The following LAMP3 variants were observed in gnomAD, a reference collection of about 807,000 sequenced individuals.
LAMP3 encodes the protein lysosome associated membrane protein 3, also known as lysosome-associated membrane glycoprotein 3.
In LAMP3, 26 loss-of-function variants were observed where a neutral mutation model predicts 34.8. That is an observed-to-expected ratio of 0.75 (90% CI 0.55 to 1.04). The LOEUF (loss-of-function observed/expected upper bound fraction) is 1.04, where lower values mean the gene tolerates loss of function less well. Among genes scored for constraint, LAMP3 ranks in the 50% least tolerant of loss-of-function variants. The pLI is 0.00. For synonymous variants in LAMP3, 180 were observed against 201.9 expected, an observed-to-expected ratio of 0.89 and a Z score of 0.92; for missense variants, 495 against 524.0, an observed-to-expected ratio of 0.94 and a Z score of 0.54.
rs760812377 is a variant in LAMP3, at chr3:183,124,080, A to G, written c.*1T>C. 3 of 1,614,074 alleles carry G rather than the reference A, an allele frequency of 1.9e-6. No individual in the cohort carries two copies. Among genetic ancestry groups the G allele is most frequent in the African/African-American group, 1.3e-5 (1 of 75,034 alleles). Reference sequence around the variant, plus strand: ...TTATTTTCATTCCCCCCGGGCAACAATTAGATTCTCTGGTATCCAGATGAT... The same window carrying G: ...TTATTTTCATTCCCCCCGGGCAACAGTTAGATTCTCTGGTATCCAGATGAT... On this transcript the variant is annotated 3_prime_UTR_variant, in exon 6 of 6. Transcript: ENST00000265598.
intron 3 of LAMP3, among the ~76,000 whole-genome samples, chr3:183,143,324 G>T (rs142326428): frequency 6.6e-6 from 1 of 152,280 alleles, no homozygotes; most frequent in Non-Finnish European, 1.5e-5. Context: ...TGGTGCCCAG[G>T]CTAGTCTTGA....
chr3:183,152,041 T>A (rs1720652516), intron 3 of LAMP3, among the ~76,000 whole-genome samples: 1 of 152,210 alleles, frequency 6.6e-6, no homozygotes, highest in South Asian at 2.1e-4. Flanking sequence ...AATAATCCTG[T>A]TCCTCTGGGG....
At chr3:183,125,133 G>A (rs772736146) in intron 5 of LAMP3, among the ~76,000 whole-genome samples, 5 of 152,192 alleles carry the variant, frequency 3.3e-5, no homozygotes, top group Admixed American at 2.6e-4. Context: ...GAGGAAAGAC[G>A]GAGGGGTCTG....
chr3:183,162,085 G>T, intron 1 of LAMP3: 2 of 431,754 alleles, frequency 4.6e-6, no homozygotes, highest in Non-Finnish European at 6.2e-6. Flanking sequence ...AGGACTCAAT[G>T]TCTAGGGGGA....
chr3:183,153,589 A>C, intron 2 of LAMP3, 93 bp downstream of exon 2: 1 of 810,834 alleles, frequency 1.2e-6, no homozygotes, highest in Non-Finnish European at 1.9e-6. Flanking sequence ...TTTCATTTAA[A>C]GACACAGGAT....
chr3:183,151,630 G>C (rs1454829115), intron 3 of LAMP3, among the ~76,000 whole-genome samples: 1 of 151,882 alleles, frequency 6.6e-6, no homozygotes, highest in South Asian at 2.1e-4. Context: ...CTTTCACCAT[G>C]TTGGCCAGGC....
At chr3:183,138,527 T>G (rs1049479312) in intron 4 of LAMP3, among the ~76,000 whole-genome samples, 2 of 152,090 alleles carry the variant, frequency 1.3e-5, no homozygotes, top group Non-Finnish European at 2.9e-5. Context: ...TACAAACAAA[T>G]AAAGGTTATT....
At chr3:183,136,865 A>G (rs1182601710) in intron 4 of LAMP3, among the ~76,000 whole-genome samples, 1 of 151,934 alleles carries the variant, frequency 6.6e-6, no homozygotes, top group African/African-American at 2.4e-5. Flanking sequence ...CATTGAGGCC[A>G]GGCATGGTGG....
intron 3 of LAMP3, among the ~76,000 whole-genome samples, chr3:183,152,102 G>T (rs73057946): frequency 0.032 from 4,835 of 152,248 alleles, 256 homozygotes; most frequent in African/African-American, 0.11. Flanking sequence ...TCCTCCTTTG[G>T]CTGGTTTGCA....
At chr3:183,149,574 A>AAATATATATATATATATATATATAT (rs1720561533) in intron 3 of LAMP3, among the ~76,000 whole-genome samples, 1 of 32,628 alleles carries the variant, frequency 3.1e-5, no homozygotes, top group Non-Finnish European at 5.1e-5. Flanking sequence ...AAAAAAAAAA[A>AAATATATATATATATATATATATAT]ATATATATAT....
intron 3 of LAMP3, among the ~76,000 whole-genome samples, chr3:183,149,603 A>G (rs1468441485): frequency 2.3e-5 from 3 of 128,216 alleles, no homozygotes; most frequent in Middle Eastern, 8.3e-3. Context: ...ATATATATAT[A>G]TATGTATACA....
Position 183,162,690 on chromosome 3 carries a change from G to A in LAMP3, c.-35C>T. 6.7e-7 allele frequency: 1 copy of A among 1,500,174 alleles called. No individual in the cohort carries two copies. The highest frequency in any genetic ancestry group is 8.8e-7 in the Non-Finnish European group (1 of 1,130,858). 92.9% of individuals were successfully genotyped at this position (1,500,174 alleles called of 1,614,324 possible). A position where few individuals can be genotyped will look rare whatever the true frequency, so the allele number is the denominator to read the frequency against. ...TGGGCGAGGTTCTGCAGCGTGCGGC[G>A]AAGTCCGGGCAGGCCCCGAATCGGT... On this transcript the variant is annotated 5_prime_UTR_variant, in exon 1 of 6. Transcript: ENST00000265598.
intron 3 of LAMP3, among the ~76,000 whole-genome samples, chr3:183,143,681 T>C (rs1244185124): frequency 6.6e-6 from 1 of 152,058 alleles, no homozygotes; most frequent in African/African-American, 2.4e-5. Context: ...TGTTCATACA[T>C]CCCTATTAAG....
At chr3:183,157,088 G>C (rs939943566) in intron 1 of LAMP3, among the ~76,000 whole-genome samples, 2 of 152,202 alleles carry the variant, frequency 1.3e-5, no homozygotes, top group Admixed American at 1.3e-4. Flanking sequence ...TTTAAGCCCA[G>C]TAGTAAGACC....
chr3:183,162,782 G>A, upstream of LAMP3: 5 of 851,408 alleles, frequency 5.9e-6, no homozygotes, highest in Non-Finnish European at 8.6e-6. Context: ...CGAAAAGCCC[G>A]CCCAGGGCCG....
At chr3:183,142,021 T>C (rs374191059) in intron 3 of LAMP3, among the ~76,000 whole-genome samples, 15 of 152,292 alleles carry the variant, frequency 9.8e-5, no homozygotes, top group Admixed American at 3.9e-4. Context: ...TCCGTCAAGG[T>C]GCTCAGTCTC....
At chr3:183,153,557 G>T in intron 2 of LAMP3, 125 bp downstream of exon 2, 1 of 600,942 alleles carries the variant, frequency 1.7e-6, no homozygotes, top group Non-Finnish European at 2.8e-6. Context: ...ACCTTGGAGA[G>T]AGATGAGCTC....
At chr3:183,141,080 C>T (rs769687919) in intron 3 of LAMP3, among the ~76,000 whole-genome samples, 2 of 152,178 alleles carry the variant, frequency 1.3e-5, no homozygotes, top group Non-Finnish European at 1.5e-5. Context: ...GAGGACCTCC[C>T]GGGGTCCATA....
intron 3 of LAMP3, among the ~76,000 whole-genome samples, chr3:183,151,817 G>A (rs556039628): frequency 2.0e-5 from 3 of 152,258 alleles, no homozygotes; most frequent in Admixed American, 1.3e-4. Context: ...CCTGCCCAGT[G>A]TCACAAGGAG....
Sources: gnomAD v4.1 joint callset for allele counts (sites outside exome capture counted in the v4.1 genomes callset) on GRCh38, gnomAD v4.1.1 for gene constraint, MANE v1.5 for transcripts, NCBI Gene and HGNC (gene_info 2026-07-23, HGNC 2026-07-21) for gene names.